The following RALYL variants were observed in gnomAD, a reference collection of about 807,000 sequenced individuals.
RALYL encodes RALY RNA binding protein like, also known as RNA-binding Raly-like protein.
In RALYL, 29 loss-of-function variants were observed where a neutral mutation model predicts 35.1. The observed-to-expected ratio is 0.83, with a 90% CI of 0.61 to 1.13. RALYL has a LOEUF of 1.13. Ranked by LOEUF, RALYL falls within the 50% of genes most tolerant of loss-of-function variation. RALYL has a pLI of 0.00. For synonymous variants in RALYL, 120 were observed against 127.6 expected (o/e 0.94, Z 0.40); for missense variants, 359 against 360.4 (o/e 1.00, Z 0.03).
intron 1 of RALYL, among the ~76,000 whole-genome samples, chr8:84,444,600 G>T (rs1242377971): frequency 2.0e-5 from 3 of 151,956 alleles, no homozygotes; most frequent in Non-Finnish European, 4.4e-5. Flanking sequence ...CTCTAGAGGT[G>T]GTACTGAAAC....
intron 1 of RALYL, among the ~76,000 whole-genome samples, chr8:84,207,294 T>TTA (rs1206323127): frequency 1.3e-5 from 2 of 152,008 alleles, no homozygotes; most frequent in South Asian, 2.1e-4. Context: ...AAAGAAAATG[T>TTA]TATATATATA....
chr8:84,453,298 A>G (rs1026886459), intron 1 of RALYL, among the ~76,000 whole-genome samples: 1 of 151,984 alleles, frequency 6.6e-6, no homozygotes, highest in African/African-American at 2.4e-5. Flanking sequence ...GGTGCTTAAC[A>G]ATTTCCTAAA....
chr8:84,605,483 C>T (rs1021290206), intron 2 of RALYL, among the ~76,000 whole-genome samples: 1 of 152,044 alleles, frequency 6.6e-6, no homozygotes, highest in Admixed American at 6.6e-5. Context: ...GCTCCATTCA[C>T]CTGGTGCTCA....
chr8:84,272,265 T>G (rs1834458129), intron 1 of RALYL, among the ~76,000 whole-genome samples: 1 of 152,036 alleles, frequency 6.6e-6, no homozygotes, highest in Non-Finnish European at 1.5e-5. Flanking sequence ...GCTAATTTTT[T>G]GTATTTTTAG....
At chr8:84,861,924 T>C (rs116204475) in intron 5 of RALYL, among the ~76,000 whole-genome samples, 258 of 152,356 alleles carry the variant, frequency 1.7e-3, no homozygotes, top group African/African-American at 5.8e-3. Context: ...GTAAGAGGAA[T>C]ATTTCTGTTC....
Position 84,327,192 on chromosome 8 carries a change from G to A in RALYL, c.-24+142768G>A, listed in dbSNP as rs545496187. The stretch of plus-strand genomic sequence containing the variant: ...AATGGAAATGATTAACTCAGTTTGG[G>A]GTGGGGAGGGGAAACAAAGCATTTC... On this transcript the variant is annotated intron_variant, in intron 1 of 8. Transcript: ENST00000521268. Among the ~76,000 whole-genome samples the A allele has an allele frequency of 9.9e-5, 15 of 152,262 alleles. No individual in the cohort carries two copies. In the South Asian group the frequency reaches 3.1e-3, roughly 32 times the overall value.
At chr8:84,673,996 C>T (rs1005702050) in intron 2 of RALYL, among the ~76,000 whole-genome samples, 1 of 152,170 alleles carries the variant, frequency 6.6e-6, no homozygotes, top group Non-Finnish European at 1.5e-5. Flanking sequence ...GATATTGATA[C>T]TTCCTGTCCA....
intron 4 of RALYL, among the ~76,000 whole-genome samples, chr8:84,823,589 T>C (rs1388008402): frequency 2.6e-5 from 4 of 152,010 alleles, no homozygotes; most frequent in Non-Finnish European, 5.9e-5. Flanking sequence ...CCTGAATATG[T>C]TTTAACTTTT....
intron 2 of RALYL, among the ~76,000 whole-genome samples, chr8:84,604,963 C>A (rs545083439): frequency 1.6e-4 from 23 of 139,670 alleles, no homozygotes; most frequent in African/African-American, 6.3e-4. Context: ...CTGGGACATT[C>A]TGTTCTTCAA....
At chr8:84,558,513 A>C (rs555155080) in intron 2 of RALYL, among the ~76,000 whole-genome samples, 2 of 152,240 alleles carry the variant, frequency 1.3e-5, no homozygotes, top group Admixed American at 1.3e-4. Context: ...ATTTAAGAAC[A>C]ATTTTTAAAA....
chr8:84,424,623 G>A (rs1222158048), intron 1 of RALYL, among the ~76,000 whole-genome samples: 5 of 151,662 alleles, frequency 3.3e-5, no homozygotes, highest in South Asian at 4.2e-4. Context: ...GAGGAGAGAC[G>A]CTCTGTGTTT....
At chr8:84,783,956 C>A (rs919049391) in intron 3 of RALYL, among the ~76,000 whole-genome samples, 2 of 152,204 alleles carry the variant, frequency 1.3e-5, no homozygotes, top group South Asian at 2.1e-4. Context: ...AGGTTTCCTG[C>A]CTCCAACTCT....
chr8:84,342,483 A>G (rs1448560596), intron 1 of RALYL, among the ~76,000 whole-genome samples: 3 of 151,200 alleles, frequency 2.0e-5, no homozygotes, highest in East Asian at 2.0e-4. Context: ...TGAGCAAACC[A>G]AAAGCTTTGG....
rs181762909 is a variant in RALYL at position 84,439,701 on chromosome 8, C to T, written c.-23-89598C>T. Among the ~76,000 whole-genome samples the T allele has an allele frequency of 4.6e-5, 7 of 151,948 alleles. No individual in the cohort carries two copies. In the East Asian group the frequency reaches 1.2e-3, roughly 25 times the overall value. ...CTCATCATTTCTATTGATCTATGCT[C>T]CTGATTTTAGTAATTAAAACACAGT... On this transcript the variant is annotated intron_variant, in intron 1 of 8. Coordinates refer to ENST00000521268, the MANE Select transcript of RALYL (RefSeq NM_173848.7).
At chr8:84,263,379 C>A (rs544927612) in intron 1 of RALYL, among the ~76,000 whole-genome samples, 2 of 152,140 alleles carry the variant, frequency 1.3e-5, no homozygotes, top group African/African-American at 4.8e-5. Flanking sequence ...GGAAGTGTTA[C>A]AACATTAAAA....
At chr8:84,223,209 C>CCT (rs1554578639) in intron 1 of RALYL, among the ~76,000 whole-genome samples, 4,922 of 87,464 alleles carry the variant, frequency 0.056, 335 homozygotes, top group African/African-American at 0.14. Context: ...CCTTCCATTC[C>CCT]TCCCTTCCCT....
intron 2 of RALYL, among the ~76,000 whole-genome samples, chr8:84,690,944 G>A (rs948178507): frequency 1.3e-5 from 2 of 151,876 alleles, no homozygotes; most frequent in Non-Finnish European, 2.9e-5. Flanking sequence ...TAACTATATA[G>A]GTGGAAAATG....
intron 4 of RALYL, among the ~76,000 whole-genome samples, chr8:84,841,196 C>T (rs1178552902): frequency 6.6e-6 from 1 of 152,102 alleles, no homozygotes; most frequent in Non-Finnish European, 1.5e-5. Flanking sequence ...AGTCAAGACC[C>T]ATCAGTGTGC....
At chr8:84,315,688 A>G (rs1431116039) in intron 1 of RALYL, among the ~76,000 whole-genome samples, 2 of 152,246 alleles carry the variant, frequency 1.3e-5, no homozygotes, top group East Asian at 1.9e-4. Context: ...TTGAAGTACA[A>G]TGAGAATTCA....
Sources: allele counts gnomAD v4.1 joint callset (sites outside exome capture counted in the v4.1 genomes callset), GRCh38; gene constraint gnomAD v4.1.1; transcripts MANE v1.5; gene names NCBI Gene and HGNC (gene_info 2026-07-23, HGNC 2026-07-21).